The following SLIT3 variants were observed in gnomAD, a reference collection of about 807,000 sequenced individuals.
SLIT3 encodes the protein slit guidance ligand 3, also known as slit homolog 3 protein.
A neutral mutation model predicts 184.0 loss-of-function variants in SLIT3; 68 were observed. That is an observed-to-expected ratio of 0.37 (90% confidence interval 0.30 to 0.45). The LOEUF (loss-of-function observed/expected upper bound fraction) is 0.45. SLIT3 is among the 20% of genes least tolerant of loss of function. The pLI, the probability that SLIT3 is intolerant of heterozygous loss-of-function variation, is 1.00. For missense variants in SLIT3, 1,707 were observed against 2,026.0 expected (o/e 0.84, Z 3.02); for synonymous variants, 831 against 828.6 (o/e 1.00, Z -0.05).
At chr5:168,677,004 T>G (rs1282884009) in intron 32 of SLIT3, among the ~76,000 whole-genome samples, 1 of 152,214 alleles carries the variant, frequency 6.6e-6, no homozygotes, top group Non-Finnish European at 1.5e-5. Context: ...CAGAGAGGGC[T>G]GTGTGGTCAC....
intron 4 of SLIT3, among the ~76,000 whole-genome samples, chr5:169,046,899 G>A (rs565437559): frequency 8.5e-4 from 129 of 152,222 alleles, no homozygotes; most frequent in Non-Finnish European, 1.2e-3. Flanking sequence ...CAGCAGCTGG[G>A]TGCCTGTATC....
intron 4 of SLIT3, among the ~76,000 whole-genome samples, chr5:169,187,869 TA>T (rs34656361): frequency 4.0e-4 from 59 of 146,644 alleles, no homozygotes; most frequent in South Asian, 8.7e-4. Flanking sequence ...GATAAATTCT[TA>T]AAAAAAAAAA....
chr5:168,822,633 G>A (rs746901296), intron 7 of SLIT3, among the ~76,000 whole-genome samples: 1 of 152,178 alleles, frequency 6.6e-6, no homozygotes, highest in Non-Finnish European at 1.5e-5. Context: ...TATTGGTCAC[G>A]ATGAGGAGAT....
intron 4 of SLIT3, among the ~76,000 whole-genome samples, chr5:169,160,202 A>G (rs577012659): frequency 6.6e-6 from 1 of 152,362 alleles, no homozygotes; most frequent in South Asian, 2.1e-4. Context: ...TCACTGTGCC[A>G]TGCCATTCAG....
intron 1 of SLIT3, among the ~76,000 whole-genome samples, chr5:169,266,019 T>G (rs1400779612): frequency 6.6e-6 from 1 of 152,216 alleles, no homozygotes; most frequent in Non-Finnish European, 1.5e-5. Flanking sequence ...AAATTCTTCC[T>G]GTAATGACTT....
At chr5:169,032,931 T>C (rs1757090486) in intron 4 of SLIT3, among the ~76,000 whole-genome samples, 1 of 110,956 alleles carries the variant, frequency 9.0e-6, no homozygotes. Flanking sequence ...GATTTTTTTT[T>C]TTTTTTTTTT....
At position 168,806,523 on chromosome 5, in the gene SLIT3, G is replaced by A; in HGVS notation, c.858C>T (p.Cys286=). ...NSISCPSPCT[C]SNNIVDCRGK... ...CTCGACAGTCCACGATGTTATTGCTGCACGTGCAGGGCGAAGGGCAGGAGA... is the reference window on the plus strand; with the variant it reads ...CTCGACAGTCCACGATGTTATTGCTACACGTGCAGGGCGAAGGGCAGGAGA... Residue 286 remains cysteine, a synonymous_variant, in exon 9 of 36, where the codon TGC becomes TGT. Coordinates refer to ENST00000519560, the MANE Select transcript of SLIT3 (RefSeq NM_003062.4). 1.2e-6 allele frequency: 2 copies of A among 1,614,214 alleles called. No homozygotes were observed. Among genetic ancestry groups the A allele is most frequent in the Non-Finnish European group, 1.7e-6 (2 of 1,180,018 alleles).
intron 4 of SLIT3, among the ~76,000 whole-genome samples, chr5:168,899,442 C>T (rs191437483): frequency 4.6e-5 from 7 of 152,098 alleles, no homozygotes; most frequent in Non-Finnish European, 7.4e-5. Context: ...CAAACCCAGG[C>T]GTTTGAGGTT....
rs747552567 is a variant in SLIT3 at position 169,137,305 on chromosome 5, T to TACACACACAC, written c.413+56164_413+56173dup. 7.9e-4 allele frequency among the ~76,000 whole-genome samples: 107 copies of TACACACACAC among 136,102 alleles called. 1 individual carries two copies. The highest frequency in any genetic ancestry group is 2.8e-3 in the African/African-American group (100 of 36,012). 89.3% of individuals were successfully genotyped at this position (136,102 alleles called of 152,430 possible). ...TCCCCCTCTTCTCTTTCTATCTACA[T>TACACACACAC]ACACACACACACACACACACACACA... is the stretch of plus-strand genomic sequence containing the variant. On this transcript the variant is annotated intron_variant, in intron 4 of 35. Transcript: ENST00000519560.
rs191545980 is a variant in SLIT3, at chr5:169,044,752, T to G, written c.413+148727A>C. Among the ~76,000 whole-genome samples the G allele has an allele frequency of 6.6e-5, 10 of 152,100 alleles. No homozygotes were observed. In the East Asian group the frequency reaches 1.4e-3, roughly 21 times the overall value. On this transcript the variant is annotated intron_variant, in intron 4 of 35. Coordinates refer to ENST00000519560, the MANE Select transcript of SLIT3 (RefSeq NM_003062.4). Reference sequence around the variant, plus strand: ...GGTGAATCTTATGTTAAACTATATCTCAAGAAAAAAAGAAGGAAAAAAGAA... The same window carrying G: ...GGTGAATCTTATGTTAAACTATATCGCAAGAAAAAAAGAAGGAAAAAAGAA...
At chr5:169,249,855 G>A (rs1377892512) in intron 2 of SLIT3, among the ~76,000 whole-genome samples, 1 of 152,252 alleles carries the variant, frequency 6.6e-6, no homozygotes, top group Non-Finnish European at 1.5e-5. Flanking sequence ...GGTGGTGAGA[G>A]GAGAGTGTTT....
chr5:168,862,070 T>A (rs1759129915), intron 5 of SLIT3, among the ~76,000 whole-genome samples: 1 of 152,214 alleles, frequency 6.6e-6, no homozygotes, highest in South Asian at 2.1e-4. Context: ...AAGCTGAGAA[T>A]CTTGGCTTTG....
At chr5:168,834,686 C>CAAAAAAAAA (rs540528948) in intron 6 of SLIT3, among the ~76,000 whole-genome samples, 1 of 37,426 alleles carries the variant, frequency 2.7e-5, no homozygotes, top group African/African-American at 1.0e-4. Flanking sequence ...GACTCTGTCT[C>CAAAAAAAAA]AAAAAAAAAA....
At chr5:168,874,703 CCA>C (rs1222967372) in intron 5 of SLIT3, among the ~76,000 whole-genome samples, 1 of 152,214 alleles carries the variant, frequency 6.6e-6, no homozygotes, top group Non-Finnish European at 1.5e-5. Flanking sequence ...GGGGCATTTA[CCA>C]CCACTCTCTC....
intron 4 of SLIT3, among the ~76,000 whole-genome samples, chr5:169,026,086 G>A (rs1756811435): frequency 2.0e-5 from 3 of 152,146 alleles, no homozygotes; most frequent in African/African-American, 7.2e-5. Context: ...TTCATAGATG[G>A]GGAATTTATG....
In SLIT3 at chr5:168,817,373, T is replaced by A. The variant is rs761204545; in HGVS notation, c.720A>T (p.Thr240=). The part of the protein sequence containing the change: ...LRQRRTVGQF[T]LCMAPVHLRG... ...TCAAATGCACAGGAGCCATGCAGAG[T>A]GTGAACTGGCCAACTGTCCGTCGCT... Residue 240 remains threonine, a synonymous_variant, in exon 8 of 36, where the codon ACA becomes ACT. Transcript: ENST00000519560. 9.9e-5 allele frequency: 159 copies of A among 1,613,896 alleles called. No homozygotes were observed. The highest frequency in any genetic ancestry group is 1.3e-4 in the Non-Finnish European group (152 of 1,180,026).
intron 6 of SLIT3, among the ~76,000 whole-genome samples, chr5:168,827,666 C>T (rs1025743598): frequency 2.0e-5 from 3 of 152,136 alleles, no homozygotes; most frequent in African/African-American, 7.2e-5. Context: ...AGACAACATT[C>T]ATAGGTTTCT....
rs189559895 is a variant in SLIT3, at chr5:169,143,895, A to G, written c.413+49584T>C. On this transcript the variant is annotated intron_variant, in intron 4 of 35. Coordinates refer to ENST00000519560, the MANE Select transcript of SLIT3 (RefSeq NM_003062.4). ...AAGTGAGAGAGCACTCACAATGGGCAGAGTCACATGGCTCCATGGCAAAAA... is the reference window on the plus strand; with the variant it reads ...AAGTGAGAGAGCACTCACAATGGGCGGAGTCACATGGCTCCATGGCAAAAA... Among the ~76,000 whole-genome samples the G allele has an allele frequency of 5.3e-4, 81 of 152,368 alleles. 1 individual carries two copies. Among genetic ancestry groups the G allele is most frequent in the African/African-American group, 1.8e-3 (76 of 41,594 alleles).
intron 6 of SLIT3, among the ~76,000 whole-genome samples, chr5:168,829,204 C>T (rs1757803229): frequency 1.3e-5 from 2 of 152,212 alleles, no homozygotes; most frequent in South Asian, 4.1e-4. Flanking sequence ...ATTAGGCCAT[C>T]GCTTTTTCAC....
Sources: allele counts gnomAD v4.1 joint callset (sites outside exome capture counted in the v4.1 genomes callset), GRCh38; gene constraint gnomAD v4.1.1; transcripts MANE v1.5; gene names NCBI Gene and HGNC (gene_info 2026-07-23, HGNC 2026-07-21).